Variants in PTPRT observed in about 807,000 individuals in gnomAD.
The protein encoded by PTPRT is protein tyrosine phosphatase receptor type T.
Under a neutral mutation model 176.8 loss-of-function variants are expected in PTPRT, and 56 were observed. That is an observed-to-expected ratio of 0.32 (90% CI 0.26 to 0.40). The LOEUF (loss-of-function observed/expected upper bound fraction) is 0.40. Ranked by LOEUF, PTPRT falls within the 10% of genes least tolerant of loss-of-function variation. The probability of loss-of-function intolerance (pLI) is 1.00; values close to 1 mark genes in which losing one functional copy is unlikely to be tolerated. For missense variants in PTPRT, 1,540 were observed against 1,908.2 expected, an observed-to-expected ratio of 0.81 and a Z score of 3.60; for synonymous variants, 783 against 739.0, an observed-to-expected ratio of 1.06 and a Z score of -0.96.
chr20:42,482,397 C>T (rs1325046447), intron 7 of PTPRT, among the ~76,000 whole-genome samples: 1 of 152,146 alleles, frequency 6.6e-6, no homozygotes, highest in Non-Finnish European at 1.5e-5. Context: ...ATGAGGATAA[C>T]AACTAGGGCA....
intron 2 of PTPRT, among the ~76,000 whole-genome samples, chr20:42,867,628 T>G (rs1234103578): frequency 6.6e-6 from 1 of 151,418 alleles, no homozygotes; most frequent in African/African-American, 2.4e-5. Context: ...ATCTTAAACT[T>G]GGAATTCCCA....
intron 13 of PTPRT, among the ~76,000 whole-genome samples, chr20:42,266,859 A>T (rs1431050040): frequency 6.6e-6 from 1 of 152,204 alleles, no homozygotes; most frequent in Non-Finnish European, 1.5e-5. Context: ...ACGTACTTAG[A>T]GCACTTGAAA....
At chr20:42,757,530 C>T (rs926731880) in intron 5 of PTPRT, among the ~76,000 whole-genome samples, 6 of 152,168 alleles carry the variant, frequency 3.9e-5, no homozygotes, top group African/African-American at 9.7e-5. Flanking sequence ...CTCCGTCTTC[C>T]GTAAAAAGCC....
intron 7 of PTPRT, among the ~76,000 whole-genome samples, chr20:42,603,659 A>G (rs1368090361): frequency 6.6e-6 from 1 of 152,234 alleles, no homozygotes; most frequent in Non-Finnish European, 1.5e-5. Context: ...CAGAAGCTCA[A>G]TCTCGATAAG....
intron 12 of PTPRT, among the ~76,000 whole-genome samples, chr20:42,285,183 C>T (rs967010463): frequency 6.6e-5 from 10 of 152,020 alleles, no homozygotes; most frequent in South Asian, 4.2e-4. Flanking sequence ...GAGCTTGAGA[C>T]GGTTAAATAA....
At chr20:42,058,315 T>G in the PTPRT span, among the ~76,000 whole-genome samples, 1 of 152,244 alleles carries the variant, frequency 6.6e-6, no homozygotes, top group Non-Finnish European at 1.5e-5. Context: ...GACACATCTA[T>G]TCACTGGGTC....
At chr20:42,066,142 C>T in the PTPRT span, among the ~76,000 whole-genome samples, 165 of 148,208 alleles carry the variant, frequency 1.1e-3, no homozygotes, top group African/African-American at 3.7e-3. Context: ...CGGGTTCAAA[C>T]GATTCTCCTG....
intron 7 of PTPRT, among the ~76,000 whole-genome samples, chr20:42,511,460 T>C (rs144724327): frequency 6.6e-6 from 1 of 151,580 alleles, no homozygotes; most frequent in African/African-American, 2.4e-5. Context: ...TTGGAGTTGA[T>C]TGAAGGCTTT....
chr20:42,161,145 A>G (rs1989577255), intron 17 of PTPRT, among the ~76,000 whole-genome samples: 1 of 152,186 alleles, frequency 6.6e-6, no homozygotes, highest in African/African-American at 2.4e-5. Flanking sequence ...CTCAAATTTA[A>G]TGTGTATACA....
At chr20:42,480,986 G>A (rs915208704) in intron 7 of PTPRT, among the ~76,000 whole-genome samples, 2 of 151,210 alleles carry the variant, frequency 1.3e-5, no homozygotes, top group South Asian at 2.1e-4. Context: ...AGGTTCATTC[G>A]AGGCAAGTAC....
At chr20:42,477,193 C>A (rs1008889413) in intron 7 of PTPRT, among the ~76,000 whole-genome samples, 4 of 152,116 alleles carry the variant, frequency 2.6e-5, no homozygotes, top group Non-Finnish European at 5.9e-5. Flanking sequence ...TTTGTCCCCC[C>A]TCTCAGGCTG....
chr20:42,358,432 TG>T (rs1170551105), intron 9 of PTPRT, among the ~76,000 whole-genome samples: 1 of 152,140 alleles, frequency 6.6e-6, no homozygotes, highest in Non-Finnish European at 1.5e-5. Flanking sequence ...GAGATAGGTA[TG>T]GCCCACAGGA....
At chr20:42,942,577 A>G (rs888378905) in intron 1 of PTPRT, among the ~76,000 whole-genome samples, 2 of 152,216 alleles carry the variant, frequency 1.3e-5, no homozygotes, top group Non-Finnish European at 2.9e-5. Flanking sequence ...CAGAAGCTTT[A>G]TCTCGTTCTC....
At chr20:42,482,175 G>A (rs148746574) in intron 7 of PTPRT, among the ~76,000 whole-genome samples, 2 of 152,106 alleles carry the variant, frequency 1.3e-5, no homozygotes, top group East Asian at 1.9e-4. Context: ...AAAAGGGAGC[G>A]GGAAGATTAA....
intron 7 of PTPRT, among the ~76,000 whole-genome samples, chr20:42,661,302 G>T (rs958541547): frequency 6.6e-6 from 1 of 152,126 alleles, no homozygotes; most frequent in Non-Finnish European, 1.5e-5. Flanking sequence ...TTTATTTTAT[G>T]CTGTAGAGTG....
At chr20:42,121,368 T>C (rs763099971) in intron 19 of PTPRT, among the ~76,000 whole-genome samples, 2 of 152,090 alleles carry the variant, frequency 1.3e-5, no homozygotes, top group Non-Finnish European at 2.9e-5. Flanking sequence ...CTTAGTGAGG[T>C]TGTCAGTTTC....
intron 1 of PTPRT, among the ~76,000 whole-genome samples, chr20:42,927,276 G>A (rs1012508760): frequency 1.3e-5 from 2 of 152,126 alleles, no homozygotes; most frequent in African/African-American, 2.4e-5. Context: ...GTAGAAAAAA[G>A]GGGGGCTGGG....
chr20:42,363,039 G>C (rs1275660780), intron 9 of PTPRT, among the ~76,000 whole-genome samples: 4 of 131,316 alleles, frequency 3.0e-5, no homozygotes. Context: ...AGGAGGCAGA[G>C]ACTGCAGTGA....
intron 11 of PTPRT, among the ~76,000 whole-genome samples, chr20:42,329,645 T>C (rs1600843486): frequency 6.6e-6 from 1 of 152,052 alleles, no homozygotes; most frequent in African/African-American, 2.4e-5. Flanking sequence ...AAAATGGTAA[T>C]AGCTATCATG....
Sources: allele counts gnomAD v4.1 joint callset (sites outside exome capture counted in the v4.1 genomes callset), GRCh38; gene constraint gnomAD v4.1.1; transcripts MANE v1.5; gene names NCBI Gene and HGNC (gene_info 2026-07-23, HGNC 2026-07-21).